FAT1: variants seen among roughly 807,000 people sequenced by gnomAD.
FAT1 encodes the protein FAT atypical cadherin 1.
In FAT1, 171 loss-of-function variants were observed where a neutral mutation model predicts 329.8. The ratio of observed to expected loss-of-function variants is 0.52; its 90% confidence interval spans 0.46 to 0.59. FAT1 has a LOEUF of 0.59. Ranked by LOEUF, FAT1 falls within the 20% of genes least tolerant of loss-of-function variation. The probability of loss-of-function intolerance (pLI) is 0.00; values close to 1 mark genes in which losing one functional copy is unlikely to be tolerated. For synonymous variants in FAT1, 2,233 were observed against 2,228.6 expected (o/e 1.00, Z -0.06); for missense variants, 5,672 against 5,774.4 (o/e 0.98, Z 0.57).
chr4:186,697,904 C>T (rs1264038162), intron 2 of FAT1, among the ~76,000 whole-genome samples: 1 of 152,182 alleles, frequency 6.6e-6, no homozygotes, highest in African/African-American at 2.4e-5. Flanking sequence ...ACAGGTTCGG[C>T]ACTTCACTGA....
intron 1 of FAT1, among the ~76,000 whole-genome samples, chr4:186,722,675 TCACA>T (rs1216680941): frequency 6.6e-6 from 1 of 152,222 alleles, no homozygotes; most frequent in Non-Finnish European, 1.5e-5. Flanking sequence ...TACCTAGTTC[TCACA>T]CACAGATACC....
At position 186,665,274 on chromosome 4, in the gene FAT1, T is replaced by A. The variant is rs189813638; in HGVS notation, c.3266-1661A>T. 4.4e-3 allele frequency among the ~76,000 whole-genome samples: 676 copies of A among 152,266 alleles called. 1 individual carries two copies. Among genetic ancestry groups the A allele is most frequent in the Non-Finnish European group, 7.1e-3 (483 of 68,014 alleles). On this transcript the variant is annotated intron_variant, in intron 2 of 26. Transcript: ENST00000441802. The stretch of plus-strand genomic sequence containing the variant: ...AGATCCCTGAGGAATCGCCACACTG[T>A]CTTCCACAATGGTTGAACTAGTTTA...
intron 3 of FAT1, among the ~76,000 whole-genome samples, chr4:186,646,140 G>A (rs141942422): frequency 2.4e-3 from 370 of 152,100 alleles, no homozygotes; most frequent in African/African-American, 8.4e-3. Context: ...CAGGGTCCTG[G>A]CTCTAAAGGA....
At chr4:186,626,832 G>A (rs1361560738) in intron 9 of FAT1, among the ~76,000 whole-genome samples, 4 of 42,428 alleles carry the variant, frequency 9.4e-5, no homozygotes, top group African/African-American at 3.4e-4. Flanking sequence ...CATGGCACCT[G>A]GCACATAAAG....
chr4:186,664,889 C>T (rs1028881252), intron 2 of FAT1, among the ~76,000 whole-genome samples: 2 of 152,188 alleles, frequency 1.3e-5, no homozygotes, highest in African/African-American at 4.8e-5. Flanking sequence ...TAACCAATTA[C>T]CAATTTTACC....
At position 186,692,343 on chromosome 4, in the gene FAT1, C is replaced by T. The variant is rs186131222; in HGVS notation, c.3265+14220G>A. ...TATTTATTTTTTTGAGACGGAGTCT[C>T]GCTCTGTCGCCCAGGCTGGAGTGCA... On this transcript the variant is annotated intron_variant, in intron 2 of 26. Transcript: ENST00000441802. 8.6e-5 allele frequency among the ~76,000 whole-genome samples: 13 copies of T among 151,702 alleles called. 1 individual carries two copies. In the East Asian group the frequency reaches 2.1e-3, roughly 25 times the overall value.
At chr4:186,644,480 G>T (rs1316356008) in intron 3 of FAT1, among the ~76,000 whole-genome samples, 1 of 152,072 alleles carries the variant, frequency 6.6e-6, no homozygotes, top group Non-Finnish European at 1.5e-5. Context: ...ATAAATGTAG[G>T]TGGGCTGAGA....
intron 5 of FAT1, 99 bp from the exon 6 acceptor site, chr4:186,636,334 T>C: frequency 9.3e-7 from 1 of 1,070,538 alleles, no homozygotes; most frequent in Non-Finnish European, 1.4e-6. Flanking sequence ...ACTGAGCCAA[T>C]TTCAAACATT....
chr4:186,618,500 G>T lies in FAT1; in HGVS notation c.8086C>A (p.Pro2696Thr), dbSNP rs2126496019. 6.2e-7 allele frequency: 1 copy of T among 1,614,054 alleles called. No individual in the cohort carries two copies. The change falls in exon 10 of 27, where the codon CCG (proline) becomes ACG (threonine). Residue 2696 changes from proline (P) to threonine (T), a missense_variant. Pro to Thr is a conservative substitution (Grantham distance 38). This residue lies in a region of FAT1 where 3,966 missense variants were observed against 3,915.2 expected (regional missense o/e 1.01). Coordinates refer to ENST00000441802, the MANE Select transcript of FAT1 (RefSeq NM_005245.4). ...GAAAATTTTGGAAGCTGCATTTCCG[G>T]TGGAAGGATTTTAACATAGACAAGA... is the stretch of plus-strand genomic sequence containing the variant. ...VVLVYVKILP[P>T]EMQLPKFSEP...
Position 186,709,153 on chromosome 4 carries a change from C to T in FAT1, c.675G>A (p.Ala225=), listed in dbSNP as rs141154871. 121 of 1,613,934 alleles carry T rather than the reference C, an allele frequency of 7.5e-5. 1 individual carries two copies. The East Asian group carries it at 2.5e-3, about 33-fold the overall frequency. The change falls in exon 2 of 27, where the codon GCG becomes GCA. Residue 225 remains alanine (A), a synonymous_variant. Transcript: ENST00000441802. The part of the protein sequence containing the change: ...TKLYEMEILA[A]DRGMKLYGSS... Reference sequence around the variant, plus strand: ...TCCCATACAACTTCATGCCACGGTCCGCAGCGAGGATTTCCATCTCATAGA... The same window carrying T: ...TCCCATACAACTTCATGCCACGGTCTGCAGCGAGGATTTCCATCTCATAGA...
chr4:186,620,301 C>T lies in FAT1; in HGVS notation c.6285G>A (p.Glu2095=), dbSNP rs371810659. 1.2e-6 allele frequency: 2 copies of T among 1,613,992 alleles called. No homozygotes were observed. Among genetic ancestry groups the T allele is most frequent in the East Asian group, 2.2e-5 (1 of 44,876 alleles). Residue 2095 remains glutamate, a synonymous_variant, in exon 10 of 27, where the codon GAG becomes GAA. Coordinates refer to ENST00000441802, the MANE Select transcript of FAT1 (RefSeq NM_005245.4). ...PYYAVVKVDT[E]VGHVIRYVTA... is the part of the protein sequence containing the mutation. ...TGACATAGCGAATGACATGGCCCAC[C>T]TCAGTGTCCACTTTAACAACGGCGT...
At chr4:186,634,617 A>T (rs1014358132) in intron 6 of FAT1, among the ~76,000 whole-genome samples, 2 of 152,236 alleles carry the variant, frequency 1.3e-5, no homozygotes, top group African/African-American at 4.8e-5. Context: ...CTATGAAAAA[A>T]AAAACAGCGA....
chr4:186,621,374 G>T lies in FAT1; in HGVS notation c.5212C>A (p.Gln1738Lys), dbSNP rs2126524707. The T allele has an allele frequency of 1.2e-6, 2 of 1,613,960 alleles. No homozygotes were observed. The highest frequency in any genetic ancestry group is 1.7e-6 in the Non-Finnish European group (2 of 1,179,878). ...ETLPIYTLII[Q>K]GTNMAGLSTN... ...GACAAACCAGCCATGTTAGTTCCTT[G>T]TATTATCAATGTGTAAATGGGCAAA... The change falls in exon 10 of 27, where the codon CAA becomes AAA. Residue 1738 changes from glutamine (Q) to lysine (K), a missense_variant. Transcript: ENST00000441802.
In FAT1 at chr4:186,707,414, C is replaced by G. The variant is rs370734827; in HGVS notation, c.2414G>C (p.Trp805Ser). 23 of 1,613,862 alleles carry G rather than the reference C, an allele frequency of 1.4e-5. No homozygotes were observed. The highest frequency in any genetic ancestry group is 2.7e-5 in the African/African-American group (2 of 74,908). Residue 805 changes from tryptophan to serine, a missense_variant, in exon 2 of 27, where the codon TGG (tryptophan) becomes TCG (serine). Around this residue, in one of 2 missense-constraint regions of FAT1, gnomAD observed 3,966 missense variants for 3,915.2 expected, o/e 1.01. Coordinates refer to ENST00000441802, the MANE Select transcript of FAT1 (RefSeq NM_005245.4). ...GACAACCACGACATGTAGAAGACGC[C>G]ACGCAGCCTTCTGGGGTATCCCAAG... is the stretch of plus-strand genomic sequence containing the variant. ...YDLGIPQKAA[W>S]RLLHVVVVDA...
At chr4:186,631,538 G>C (rs1031177971) in intron 7 of FAT1, among the ~76,000 whole-genome samples, 3 of 151,320 alleles carry the variant, frequency 2.0e-5, no homozygotes, top group Non-Finnish European at 4.4e-5. Context: ...AATCCCCGCG[G>C]TATGCTAGTG....
chr4:186,686,417 G>C (rs1382239683), intron 2 of FAT1, among the ~76,000 whole-genome samples: 2 of 152,110 alleles, frequency 1.3e-5, no homozygotes, highest in African/African-American at 2.4e-5. Context: ...TTTTGAATGA[G>C]TGTTCTTTTT....
At chr4:186,667,255 C>T (rs1172663424) in intron 2 of FAT1, among the ~76,000 whole-genome samples, 1 of 152,142 alleles carries the variant, frequency 6.6e-6, no homozygotes, top group Non-Finnish European at 1.5e-5. Context: ...ATCTGCTGGT[C>T]CCCACCGACC....
chr4:186,718,071 T>C (rs1401657765), intron 1 of FAT1, among the ~76,000 whole-genome samples: 2 of 152,212 alleles, frequency 1.3e-5, no homozygotes, highest in African/African-American at 4.8e-5. Context: ...TTTTATACGT[T>C]GAATTGGGCT....
chr4:186,597,746 C>A lies in FAT1; in HGVS notation c.12304G>T (p.Gly4102Ter), dbSNP rs745695748. 6.2e-7 allele frequency: 1 copy of A among 1,613,884 alleles called. No individual in the cohort carries two copies. The highest frequency in any genetic ancestry group is 8.5e-7 in the Non-Finnish European group (1 of 1,179,870). Reference sequence around the variant, plus strand: ...CCATCCAAACTGTCAAAGCATGTTCCGCCATTCTTACAGGGTTCATCTTTG... The same window carrying A: ...CCATCCAAACTGTCAAAGCATGTTCAGCCATTCTTACAGGGTTCATCTTTG... Reference protein sequence around the residue: ...YCKDEPCKNGGTCFDSLDGAV... With the variant: ...YCKDEPCKNG The change falls in exon 24 of 27, where the codon GGA (glycine) becomes TGA (stop). Residue 4102 changes from glycine (G) to a stop codon, truncating the protein, a stop_gained. Coordinates refer to ENST00000441802, the MANE Select transcript of FAT1 (RefSeq NM_005245.4). LOFTEE classifies it high-confidence loss of function.
Sources: gnomAD v4.1 joint callset for allele counts (sites outside exome capture counted in the v4.1 genomes callset) on GRCh38, gnomAD v4.1.1 for gene constraint, gnomAD v4.1.1 regional missense constraint, MANE v1.5 for transcripts, NCBI Gene and HGNC (gene_info 2026-07-23, HGNC 2026-07-21) for gene names.